The following ANK2 variants were observed in gnomAD, a reference collection of about 807,000 sequenced individuals.
The protein encoded by ANK2 is ankyrin-2.
Under a neutral mutation model 360.5 loss-of-function variants are expected in ANK2, and 83 were observed. The observed-to-expected ratio is 0.23, with a 90% CI of 0.19 to 0.28. ANK2 has a LOEUF of 0.28. Ranked by LOEUF, ANK2 falls within the 10% of genes least tolerant of loss-of-function variation. The pLI, the probability that ANK2 is intolerant of heterozygous loss-of-function variation, is 1.00. For synonymous variants in ANK2, 1,740 were observed against 1,759.5 expected (o/e 0.99, Z 0.28); for missense variants, 4,201 against 4,795.7 (o/e 0.88, Z 3.66).
the ANK2 span, among the ~76,000 whole-genome samples, chr4:112,709,042 A>G: frequency 6.6e-6 from 1 of 152,234 alleles, no homozygotes; most frequent in African/African-American, 2.4e-5. Flanking sequence ...AATGAGAAGG[A>G]CAAGGAAAAA....
chr4:112,754,111 GTATATA>G, the ANK2 span, among the ~76,000 whole-genome samples: 9,441 of 111,248 alleles, frequency 0.085, 601 homozygotes, highest in Admixed American at 0.16. Context: ...AAAAAAAAAA[GTATATA>G]TATATATATA....
At chr4:113,297,696 C>A (rs2072551670) in intron 22 of ANK2, among the ~76,000 whole-genome samples, 2 of 152,034 alleles carry the variant, frequency 1.3e-5, no homozygotes, top group Admixed American at 6.6e-5. Flanking sequence ...GCCATTCTTG[C>A]ACAAACAATA....
intron 2 of ANK2, among the ~76,000 whole-genome samples, chr4:113,184,903 G>A (rs1019209172): frequency 7.3e-5 from 11 of 151,722 alleles, no homozygotes; most frequent in Admixed American, 3.9e-4. Flanking sequence ...GTTTCCCTCC[G>A]TGTGCCCATG....
At position 113,151,212 on chromosome 4, in the gene ANK2, A is replaced by G. The variant is rs2097066856; in HGVS notation, c.85-23204A>G. On this transcript the variant is annotated intron_variant, in intron 1 of 45. Coordinates refer to ENST00000357077, the MANE Select transcript of ANK2 (RefSeq NM_001148.6). ...TTATAACCTTCTGCTCAAAAAAGGA[A>G]TGTACCCTTACTGCAATTGCACACA... The G allele has an allele frequency of 3.6e-6, 4 of 1,112,900 alleles. No individual in the cohort carries two copies. The South Asian group carries it at 4.1e-5, about 11-fold the overall frequency. 68.9% of individuals were successfully genotyped at this position (1,112,900 alleles called of 1,614,324 possible). A position where few individuals can be genotyped will look rare whatever the true frequency, so the allele number is the denominator to read the frequency against.
At position 113,336,679 on chromosome 4, in the gene ANK2, C is replaced by A. The variant is rs760920030; in HGVS notation, c.3694C>A (p.Pro1232Thr). The A allele has an allele frequency of 5.6e-6, 9 of 1,614,118 alleles. No homozygotes were observed. Among genetic ancestry groups the A allele is most frequent in the Non-Finnish European group, 7.6e-6 (9 of 1,180,010 alleles). Reference sequence around the variant, plus strand: ...ACCTAGAAGAAGAAAATTCCACAAACCAATTACCATGACCATTCCTGTCCC... The same window carrying A: ...ACCTAGAAGAAGAAAATTCCACAAAACAATTACCATGACCATTCCTGTCCC... ...LEPRRRKFHK[P>T]ITMTIPVPKA... The change falls in exon 31 of 46, where the codon CCA becomes ACA. Residue 1232 changes from proline (P) to threonine (T), a missense_variant. Pro to Thr is a conservative substitution (Grantham distance 38, BLOSUM62 -1). Transcript: ENST00000357077.
intron 27 of ANK2, among the ~76,000 whole-genome samples, chr4:113,331,387 T>C (rs985659582): frequency 4.6e-5 from 7 of 152,172 alleles, no homozygotes; most frequent in Admixed American, 1.3e-4. Flanking sequence ...CAAATTATGT[T>C]CACACCTGAA....
At chr4:112,817,699 A>G (rs1178047888), upstream of ANK2, among the ~76,000 whole-genome samples, 3 of 152,044 alleles carry the variant, frequency 2.0e-5, no homozygotes, top group Non-Finnish European at 1.5e-5. Context: ...TGATCTACTG[A>G]AAGGCGGTGG....
intron 5 of ANK2, among the ~76,000 whole-genome samples, chr4:113,235,360 A>T (rs182182396): frequency 1.8e-4 from 27 of 152,256 alleles, no homozygotes; most frequent in South Asian, 6.3e-4. Flanking sequence ...AGTTATTATT[A>T]AAAAAACGAT....
intron 4 of ANK2, among the ~76,000 whole-genome samples, chr4:113,212,239 T>C (rs540252224): frequency 6.6e-6 from 1 of 152,362 alleles, no homozygotes; most frequent in Admixed American, 6.5e-5. Context: ...CTTATTTTTT[T>C]CAAAGTTTTC....
the ANK2 span, among the ~76,000 whole-genome samples, chr4:112,784,163 T>C: frequency 1.3e-5 from 2 of 152,038 alleles, no homozygotes; most frequent in African/African-American, 4.8e-5. Flanking sequence ...TAAATGAGTA[T>C]GTTAAAAGCA....
intron 9 of ANK2, 39 bp from the exon 10 acceptor site, chr4:113,249,725 G>GAAGA (rs1563165287): frequency 2.5e-6 from 4 of 1,594,672 alleles, no homozygotes; most frequent in Non-Finnish European, 3.4e-6. Flanking sequence ...AGATTTTTTT[G>GAAGA]AAGTGAACTT....
chr4:113,324,197 A>G (rs890010604), intron 26 of ANK2, among the ~76,000 whole-genome samples: 4 of 152,076 alleles, frequency 2.6e-5, no homozygotes, highest in Non-Finnish European at 5.9e-5. Flanking sequence ...CTTAGCAGAG[A>G]GTTTTTTGTT....
Position 113,353,174 on chromosome 4 carries a change from C to A in ANK2, c.4556C>A (p.Ala1519Asp). 6.2e-7 allele frequency: 1 copy of A among 1,614,020 alleles called. No individual in the cohort carries two copies. Among genetic ancestry groups the A allele is most frequent in the Non-Finnish European group, 8.5e-7 (1 of 1,179,958 alleles). Residue 1519 changes from alanine (A) to aspartate (D), a missense_variant, in exon 38 of 46, where the codon GCC becomes GAC. Coordinates refer to ENST00000357077, the MANE Select transcript of ANK2 (RefSeq NM_001148.6). ...AAACAAGATTTGATCAAAATGACCG[C>A]CATCTTGACCACAGATGTGTCTGAT... ...EMKQDLIKMT[A>D]ILTTDVSDKA...
At chr4:112,784,228 C>A in the ANK2 span, among the ~76,000 whole-genome samples, 1 of 151,432 alleles carries the variant, frequency 6.6e-6, no homozygotes, top group Non-Finnish European at 1.5e-5. Context: ...GACCAGGTCT[C>A]GCTTGCAGTA....
intron 1 of ANK2, among the ~76,000 whole-genome samples, chr4:112,875,317 C>T (rs1419038597): frequency 6.6e-6 from 1 of 152,010 alleles, no homozygotes; most frequent in Non-Finnish European, 1.5e-5. Flanking sequence ...TGCGCTCCGC[C>T]TAATTATGTT....
intron 1 of ANK2, chr4:113,117,539 G>A: frequency 5.1e-6 from 2 of 391,706 alleles, no homozygotes; most frequent in South Asian, 1.9e-5. Context: ...TCTAAGCTCA[G>A]TTTGCAGCCT....
chr4:112,824,554 G>A lies in ANK2; in HGVS notation c.-40+6290G>A, dbSNP rs184027238. 6.6e-3 allele frequency among the ~76,000 whole-genome samples: 987 copies of A among 149,604 alleles called. 8 individuals carry two copies. The highest frequency in any genetic ancestry group is 0.011 in the Non-Finnish European group (713 of 67,662). Reference sequence around the variant, plus strand: ...GAGTCTTGCTCTGTCACCCAGGCTGGAGTGCAGTGGTGCGATCTCAGCTCA... The same window carrying A: ...GAGTCTTGCTCTGTCACCCAGGCTGAAGTGCAGTGGTGCGATCTCAGCTCA... On this transcript the variant is annotated intron_variant, in intron 1 of 30. Coordinates refer to the ANK2 transcript ENST00000503271.
chr4:112,802,388 A>G, the ANK2 span, among the ~76,000 whole-genome samples: 20 of 152,196 alleles, frequency 1.3e-4, no homozygotes, highest in African/African-American at 4.3e-4. Context: ...GCTTCTTGGG[A>G]GCATAACCGG....
At chr4:113,378,024 G>A in intron 45 of ANK2, 2 of 724,526 alleles carry the variant, frequency 2.8e-6, no homozygotes, top group Non-Finnish European at 4.0e-6. Context: ...GTAAAGCAAA[G>A]CAATAGATTG....
Sources: gnomAD v4.1 joint callset for allele counts (sites outside exome capture counted in the v4.1 genomes callset) on GRCh38, gnomAD v4.1.1 for gene constraint, MANE v1.5 for transcripts, NCBI Gene and HGNC (gene_info 2026-07-23, HGNC 2026-07-21) for gene names.